The following POT1 variants were observed in gnomAD, a reference collection of about 807,000 sequenced individuals.
POT1 encodes the protein protection of telomeres protein 1.
POT1 carries 47 observed loss-of-function variants against 78.5 expected under a neutral mutation model. The ratio of observed to expected loss-of-function variants is 0.60; its 90% CI spans 0.47 to 0.76. The LOEUF (loss-of-function observed/expected upper bound fraction) is 0.76. Ranked by LOEUF, POT1 falls within the 30% of genes least tolerant of loss-of-function variation. The probability of loss-of-function intolerance (pLI) is 0.00; values close to 1 mark genes in which losing one functional copy is unlikely to be tolerated. For missense variants in POT1, 646 were observed against 749.9 expected, an observed-to-expected ratio of 0.86 and a Z score of 1.62; for synonymous variants, 259 against 260.7, an observed-to-expected ratio of 0.99 and a Z score of 0.06.
Position 124,823,279 on chromosome 7 carries a change from T to C in POT1, c.*683A>G, listed in dbSNP as rs1295366181. The C allele has an allele frequency of 6.6e-6, 1 of 152,044 alleles. No individual in the cohort carries two copies. Among genetic ancestry groups the C allele is most frequent in the Non-Finnish European group, 1.5e-5 (1 of 67,960 alleles). The allele number at this position is 152,044 out of a possible 1,614,324, so 9.4% of individuals were successfully genotyped here. A position where few individuals can be genotyped will look rare whatever the true frequency, so the allele number is the denominator to read the frequency against. The stretch of plus-strand genomic sequence containing the variant: ...TTGAAATGTGTGCACTTATTTATTC[T>C]TCACTAATATTAAACCAGGTAATTT... On this transcript the variant is annotated 3_prime_UTR_variant, in exon 19 of 19. Transcript: ENST00000357628.
At chr7:124,839,917 A>G (rs1195399548) in intron 14 of POT1, among the ~76,000 whole-genome samples, 1 of 151,984 alleles carries the variant, frequency 6.6e-6, no homozygotes, top group East Asian at 1.9e-4. Flanking sequence ...ATTACTAACA[A>G]ACCATTATCA....
At chr7:124,875,033 T>C (rs528617302) in intron 6 of POT1, among the ~76,000 whole-genome samples, 7 of 152,268 alleles carry the variant, frequency 4.6e-5, no homozygotes, top group South Asian at 2.1e-4. Flanking sequence ...TGAGGACCCA[T>C]TGGCTCCAGT....
intron 15 of POT1, among the ~76,000 whole-genome samples, chr7:124,832,169 G>C (rs567757510): frequency 8.7e-5 from 13 of 148,746 alleles, no homozygotes; most frequent in African/African-American, 3.2e-4. Flanking sequence ...TGAGATAGTA[G>C]GATTGCTTGA....
chr7:124,862,132 G>A (rs1022784387), intron 8 of POT1, among the ~76,000 whole-genome samples: 8 of 151,996 alleles, frequency 5.3e-5, no homozygotes, highest in African/African-American at 1.4e-4. Flanking sequence ...TAACAGTTAC[G>A]TGACAGTGGT....
intron 3 of POT1, among the ~76,000 whole-genome samples, chr7:124,904,203 G>C (rs984935745): frequency 1.1e-4 from 17 of 152,070 alleles, no homozygotes; most frequent in African/African-American, 4.1e-4. Flanking sequence ...GCCTGGCAGA[G>C]ACATAACAAA....
chr7:124,872,682 G>A (rs571065859), intron 6 of POT1, among the ~76,000 whole-genome samples: 2 of 152,266 alleles, frequency 1.3e-5, no homozygotes, highest in South Asian at 4.1e-4. Context: ...ACGGTTTTGG[G>A]CAGCTGCTGG....
At chr7:124,866,810 G>C (rs1042361572) in intron 7 of POT1, among the ~76,000 whole-genome samples, 3 of 152,118 alleles carry the variant, frequency 2.0e-5, no homozygotes, top group Admixed American at 6.5e-5. Flanking sequence ...ACGTTTTATG[G>C]GTCTTCGTGG....
At chr7:124,915,018 C>T (rs2116696186) in intron 3 of POT1, among the ~76,000 whole-genome samples, 1 of 152,290 alleles carries the variant, frequency 6.6e-6, no homozygotes, top group South Asian at 2.1e-4. Flanking sequence ...CCTCATATTA[C>T]TTTATGTAAT....
intron 6 of POT1, among the ~76,000 whole-genome samples, chr7:124,886,740 A>T (rs1796251455): frequency 6.6e-6 from 1 of 152,170 alleles, no homozygotes; most frequent in African/African-American, 2.4e-5. Flanking sequence ...ACACATATGA[A>T]AATATAATAC....
At chr7:124,846,111 T>A (rs79198977) in intron 12 of POT1, among the ~76,000 whole-genome samples, 1 of 151,618 alleles carries the variant, frequency 6.6e-6, no homozygotes, top group African/African-American at 2.4e-5. Context: ...GCTGCCTCTA[T>A]GCTTTTTCAT....
chr7:124,823,786 C>A lies in POT1; in HGVS notation c.*176G>T. 1 of 552,254 alleles carries A rather than the reference C, an allele frequency of 1.8e-6. No homozygotes were observed. Among genetic ancestry groups the A allele is most frequent in the East Asian group, 3.2e-5 (1 of 30,814 alleles). The allele number at this position is 552,254 out of a possible 1,614,324, so 34.2% of individuals were successfully genotyped here. Reference sequence around the variant, plus strand: ...ACAGAAAGCAAAACAAAATCCATAGCCATTATTTACCTTGCACCCAGTAAA... The same window carrying A: ...ACAGAAAGCAAAACAAAATCCATAGACATTATTTACCTTGCACCCAGTAAA... On this transcript the variant is annotated 3_prime_UTR_variant, in exon 19 of 19. Coordinates refer to ENST00000357628, the MANE Select transcript of POT1 (RefSeq NM_015450.3).
At chr7:124,824,895 T>C (rs961895137) in intron 18 of POT1, among the ~76,000 whole-genome samples, 1 of 152,142 alleles carries the variant, frequency 6.6e-6, no homozygotes, top group Non-Finnish European at 1.5e-5. Flanking sequence ...ATGAATTAAA[T>C]TGGATAATTG....
chr7:124,903,384 C>T (rs977321971), intron 3 of POT1, among the ~76,000 whole-genome samples: 5 of 152,288 alleles, frequency 3.3e-5, no homozygotes, highest in African/African-American at 1.2e-4. Context: ...CAAAACTGCA[C>T]AACTACATGG....
At chr7:124,925,013 A>G (rs1226554308) in intron 2 of POT1, among the ~76,000 whole-genome samples, 1 of 152,102 alleles carries the variant, frequency 6.6e-6, no homozygotes, top group Non-Finnish European at 1.5e-5. Context: ...ATAATACTGA[A>G]TTGGGGAAAA....
At chr7:124,920,198 T>G (rs183191117) in intron 2 of POT1, among the ~76,000 whole-genome samples, 8 of 152,148 alleles carry the variant, frequency 5.3e-5, no homozygotes, top group African/African-American at 1.7e-4. Context: ...ATCCAAATAT[T>G]CCTACACTGG....
At chr7:124,925,633 A>G (rs1584535353) in intron 2 of POT1, among the ~76,000 whole-genome samples, 1 of 152,306 alleles carries the variant, frequency 6.6e-6, no homozygotes, top group East Asian at 1.9e-4. Flanking sequence ...GAACCAAAAA[A>G]GAACCCAAAT....
At chr7:124,827,031 T>TAAATG (rs1385205933) in intron 17 of POT1, among the ~76,000 whole-genome samples, 183 bp downstream of exon 17, 1 of 152,168 alleles carries the variant, frequency 6.6e-6, no homozygotes, top group Non-Finnish European at 1.5e-5. Flanking sequence ...AATGTTAAGA[T>TAAATG]TTAGTGTCAA....
At chr7:124,922,555 T>C (rs1797177326) in intron 2 of POT1, among the ~76,000 whole-genome samples, 1 of 151,886 alleles carries the variant, frequency 6.6e-6, no homozygotes. Flanking sequence ...ATAACAACTG[T>C]AACATGGGGA....
chr7:124,824,252 C>CA (rs1485728043), intron 18 of POT1, among the ~76,000 whole-genome samples, 178 bp from the exon 19 acceptor site: 1 of 151,726 alleles, frequency 6.6e-6, no homozygotes. Flanking sequence ...ATACTAGATT[C>CA]ATGTTATTGT....
Sources: gnomAD v4.1 joint callset for allele counts (sites outside exome capture counted in the v4.1 genomes callset) on GRCh38, gnomAD v4.1.1 for gene constraint, MANE v1.5 for transcripts, NCBI Gene and HGNC (gene_info 2026-07-23, HGNC 2026-07-21) for gene names.